The following AAMDC variants were observed in gnomAD, a reference collection of about 807,000 sequenced individuals.
AAMDC encodes adipogenesis associated Mth938 domain containing.
A neutral mutation model predicts 15.5 loss-of-function variants in AAMDC; 16 were observed. That is an observed-to-expected ratio of 1.03 (90% CI 0.70 to 1.57). AAMDC has a LOEUF of 1.57. AAMDC is among the 40% of genes most tolerant of loss of function. The pLI is 0.00. For synonymous variants in AAMDC, 51 were observed against 51.6 expected, an observed-to-expected ratio of 0.99 and a Z score of 0.05; for missense variants, 141 against 144.9, an observed-to-expected ratio of 0.97 and a Z score of 0.14.
chr11:77,901,604 G>C (rs1952779873), downstream of AAMDC: 2 of 1,362,332 alleles, frequency 1.5e-6, no homozygotes, highest in South Asian at 2.4e-5. Flanking sequence ...TCTTACTTGA[G>C]AGCAGCATAG....
At chr11:77,830,177 A>G (rs1471884555) in intron 1 of AAMDC, 1 of 152,286 alleles carries the variant, frequency 6.6e-6, no homozygotes. Context: ...CAAAATAGGA[A>G]AAAATACATC....
At chr11:77,883,886 G>A in intron 5 of AAMDC, 1 of 1,613,108 alleles carries the variant, frequency 6.2e-7, no homozygotes, top group Middle Eastern at 1.7e-4. Flanking sequence ...TGCCGCCCTG[G>A]GCCAGGATTC....
intron 2 of AAMDC, among the ~76,000 whole-genome samples, chr11:77,844,738 T>G (rs189961378): frequency 1.3e-3 from 192 of 152,292 alleles, no homozygotes; most frequent in African/African-American, 4.4e-3. Flanking sequence ...GGATTTTGTT[T>G]TGTTGTTTTG....
intron 3 of AAMDC, among the ~76,000 whole-genome samples, chr11:77,870,863 T>C (rs1252444483): frequency 6.6e-6 from 1 of 152,216 alleles, no homozygotes; most frequent in East Asian, 1.9e-4. Context: ...GTCAGTGCTA[T>C]ATGTATTCTA....
chr11:77,850,810 A>C (rs1012786005), intron 2 of AAMDC: 16 of 151,272 alleles, frequency 1.1e-4, no homozygotes, highest in African/African-American at 3.9e-4. Flanking sequence ...ACACACATAC[A>C]CTCACACTTT....
intron 5 of AAMDC, among the ~76,000 whole-genome samples, chr11:77,887,565 T>C (rs1304476369): frequency 1.3e-5 from 2 of 152,180 alleles, no homozygotes; most frequent in African/African-American, 4.8e-5. Context: ...TTGGAAGTGC[T>C]GGCCAGGGCA....
intron 5 of AAMDC, among the ~76,000 whole-genome samples, chr11:77,897,870 A>G (rs769642243): frequency 1.3e-5 from 2 of 152,024 alleles, no homozygotes; most frequent in Non-Finnish European, 2.9e-5. Flanking sequence ...GTGCAATAGC[A>G]TGATCATAGC....
chr11:77,853,986 C>T (rs1425280953), intron 2 of AAMDC, among the ~76,000 whole-genome samples: 1 of 111,422 alleles, frequency 9.0e-6, no homozygotes, highest in African/African-American at 3.3e-5. Context: ...CAACAGTCCT[C>T]CAAATTCTTT....
At chr11:77,858,020 C>T (rs1477049170) in intron 2 of AAMDC, among the ~76,000 whole-genome samples, 1 of 151,890 alleles carries the variant, frequency 6.6e-6, no homozygotes, top group Non-Finnish European at 1.5e-5. Context: ...GCCCCACATG[C>T]ATTAGGTATT....
chr11:77,859,776 C>A (rs555988425), intron 2 of AAMDC, among the ~76,000 whole-genome samples: 1 of 152,346 alleles, frequency 6.6e-6, no homozygotes, highest in South Asian at 2.1e-4. Context: ...CAGTTATGTT[C>A]TATCTTTTCT....
intron 2 of AAMDC, among the ~76,000 whole-genome samples, chr11:77,865,747 A>G (rs1951081048): frequency 6.6e-6 from 1 of 152,224 alleles, no homozygotes; most frequent in Non-Finnish European, 1.5e-5. Context: ...AAGCACATAT[A>G]ATACTAGACC....
downstream of AAMDC, among the ~76,000 whole-genome samples, chr11:77,873,342 A>ATACAT (rs1440908251): frequency 1.3e-5 from 2 of 152,256 alleles, no homozygotes; most frequent in Admixed American, 6.5e-5. Context: ...TAAGGACTCA[A>ATACAT]TACATTAAAC....
intron 5 of AAMDC, among the ~76,000 whole-genome samples, chr11:77,886,527 G>A (rs1047011132): frequency 2.0e-5 from 3 of 152,198 alleles, no homozygotes; most frequent in Non-Finnish European, 4.4e-5. Context: ...TAAACGGCGG[G>A]AGTAACTATG....
intron 3 of AAMDC, 49 bp downstream of exon 3, chr11:77,869,866 G>A (rs1248078945): frequency 6.4e-7 from 1 of 1,566,546 alleles, no homozygotes; most frequent in African/African-American, 1.4e-5. Flanking sequence ...GGGATCTCTT[G>A]GGCCTTTGTC....
chr11:77,854,875 C>A (rs1950548332), intron 2 of AAMDC, among the ~76,000 whole-genome samples: 1 of 152,232 alleles, frequency 6.6e-6, no homozygotes, highest in Non-Finnish European at 1.5e-5. Flanking sequence ...GGGCTACGCA[C>A]CCCCAGCAGA....
chr11:77,887,655 T>C (rs912520030), intron 5 of AAMDC, among the ~76,000 whole-genome samples: 7 of 152,162 alleles, frequency 4.6e-5, no homozygotes, highest in African/African-American at 1.4e-4. Flanking sequence ...GATGACATGA[T>C]TGTATATCTA....
At chr11:77,893,738 C>T (rs1952379870) in intron 5 of AAMDC, among the ~76,000 whole-genome samples, 1 of 151,842 alleles carries the variant, frequency 6.6e-6, no homozygotes, top group African/African-American at 2.4e-5. Context: ...ACTAAAAATA[C>T]AAAAATTAGC....
intron 2 of AAMDC, among the ~76,000 whole-genome samples, chr11:77,860,676 T>C (rs556187915): frequency 7.2e-5 from 11 of 152,340 alleles, no homozygotes; most frequent in African/African-American, 2.6e-4. Context: ...CCCTGAACCC[T>C]TGGGGTAAAA....
At chr11:77,824,143 A>C (rs2136027477) in intron 1 of AAMDC, among the ~76,000 whole-genome samples, 1 of 152,364 alleles carries the variant, frequency 6.6e-6, no homozygotes, top group South Asian at 2.1e-4. Context: ...TGTTCTTGAA[A>C]ATAAATGACA....
Sources: gnomAD v4.1 joint callset for allele counts (sites outside exome capture counted in the v4.1 genomes callset) on GRCh38, gnomAD v4.1.1 for gene constraint, MANE v1.5 for transcripts, NCBI Gene and HGNC (gene_info 2026-07-23, HGNC 2026-07-21) for gene names.